CFAP99: variants seen among roughly 807,000 people sequenced by gnomAD.
CFAP99 encodes the protein cilia- and flagella-associated protein 99.
Under a neutral mutation model 82.7 loss-of-function variants are expected in CFAP99, and 84 were observed. That is an observed-to-expected ratio of 1.02 (90% CI 0.85 to 1.22). The LOEUF (loss-of-function observed/expected upper bound fraction) is 1.22, where lower values mean the gene tolerates loss of function less well. Ranked by LOEUF, CFAP99 falls within the 50% of genes most tolerant of loss-of-function variation. CFAP99 has a pLI of 0.00. For missense variants in CFAP99, 1,059 were observed against 983.5 expected (o/e 1.08, Z -1.03); for synonymous variants, 456 against 429.5 (o/e 1.06, Z -0.76).
chr4:2,461,383 G>A (rs1734617341), intron 14 of CFAP99, among the ~76,000 whole-genome samples: 1 of 152,216 alleles, frequency 6.6e-6, no homozygotes, highest in South Asian at 2.1e-4. Flanking sequence ...GCGGACAGAA[G>A]GAAGGACTAA....
chr4:2,456,634 C>T (rs951490017), intron 11 of CFAP99, among the ~76,000 whole-genome samples: 1 of 152,198 alleles, frequency 6.6e-6, no homozygotes, highest in Non-Finnish European at 1.5e-5. Flanking sequence ...ATTCTACTGC[C>T]TCAGCCTCCT....
rs756878765 is a variant in CFAP99, at chr4:2,443,136, A to G, written c.358A>G (p.Arg120Gly). 65 of 1,529,394 alleles carry G rather than the reference A, an allele frequency of 4.3e-5. No homozygotes were observed. Among genetic ancestry groups the G allele is most frequent in the Non-Finnish European group, 5.4e-5 (62 of 1,142,940 alleles). 94.7% of individuals were successfully genotyped at this position (1,529,394 alleles called of 1,614,324 possible). ...CAGCCCCCGTCCACCCCAGTTCCTC[A>G]GGTTCTTCTTCAACCCCCTGCACCT... The change falls in exon 5 of 15, where the codon AGG (arginine) becomes GGG (glycine). Residue 120 changes from arginine (R) to glycine (G), a missense_variant. By Grantham distance (125) the Arg-to-Gly change is moderately radical. Coordinates refer to ENST00000635017, the Ensembl canonical transcript of CFAP99.
In CFAP99 at chr4:2,440,149, C is replaced by CTTTTTTTTTTTTTTTTT. The variant is rs1253819268; in HGVS notation, c.351+2000_351+2001insTTTTTTTTTTTTTTTTT. Among the ~76,000 whole-genome samples, 486 of 103,902 alleles carry CTTTTTTTTTTTTTTTTT rather than the reference C, an allele frequency of 4.7e-3. 43 individuals are homozygous for CTTTTTTTTTTTTTTTTT. The highest frequency in any genetic ancestry group is 5.5e-3 in the Non-Finnish European group (300 of 54,762). The allele number at this position is 103,902 out of a possible 152,430, so 68.2% of individuals were successfully genotyped here. Reference sequence around the variant, plus strand: ...GAGCCACTGCGCCCAGCTTGACATTCTTTTTTTTTTTTTTTGAGACGGAGT... The same window carrying CTTTTTTTTTTTTTTTTT: ...GAGCCACTGCGCCCAGCTTGACATTCTTTTTTTTTTTTTTTTTTTTTTTTTTTTTTTTGAGACGGAGT... On this transcript the variant is annotated intron_variant, in intron 4 of 14. Coordinates refer to ENST00000635017, the Ensembl canonical transcript of CFAP99.
chr4:2,458,316 A>G (rs144729467), intron 11 of CFAP99, among the ~76,000 whole-genome samples: 38 of 152,302 alleles, frequency 2.5e-4, no homozygotes, highest in African/African-American at 8.9e-4. Context: ...CAATTTTTAA[A>G]TTTACAGAAA....
chr4:2,429,753 A>G (rs940637337), intron 2 of CFAP99, among the ~76,000 whole-genome samples: 49 of 152,022 alleles, frequency 3.2e-4, no homozygotes, highest in Non-Finnish European at 6.6e-4. Context: ...CACCACGCCC[A>G]GCTAATTTTT....
chr4:2,429,812 T>C (rs566121402), intron 2 of CFAP99, among the ~76,000 whole-genome samples: 194 of 152,230 alleles, frequency 1.3e-3, no homozygotes, highest in Non-Finnish European at 1.8e-3. Context: ...AGAATGGTCT[T>C]GATCTCCTGA....
At chr4:2,450,079 C>G in intron 8 of CFAP99, 74 bp downstream of exon 8, 1 of 1,408,668 alleles carries the variant, frequency 7.1e-7, no homozygotes, top group East Asian at 2.5e-5. Context: ...CCTCCCAACG[C>G]CATCGCAGTG....
chr4:2,455,218 A>G (rs1049214445), intron 11 of CFAP99, among the ~76,000 whole-genome samples: 3 of 152,258 alleles, frequency 2.0e-5, no homozygotes, highest in Non-Finnish European at 4.4e-5. Context: ...TTTATATGTT[A>G]GGAAAAATAA....
chr4:2,442,032 C>G (rs1037294584), intron 4 of CFAP99, among the ~76,000 whole-genome samples: 1 of 152,202 alleles, frequency 6.6e-6, no homozygotes, highest in Admixed American at 6.5e-5. Flanking sequence ...AAGCCCCACC[C>G]CAACTCCAGC....
chr4:2,430,112 A>G (rs1316196319), intron 2 of CFAP99, among the ~76,000 whole-genome samples: 2 of 146,846 alleles, frequency 1.4e-5, no homozygotes, highest in South Asian at 2.1e-4. Flanking sequence ...AATGCCAGAA[A>G]ATTACGCAAT....
At chr4:2,424,794 A>C (rs899090034) in intron 1 of CFAP99, among the ~76,000 whole-genome samples, 19 of 151,888 alleles carry the variant, frequency 1.3e-4, no homozygotes, top group African/African-American at 4.1e-4. Flanking sequence ...TGCATCCCTG[A>C]CTCTTCCTGC....
intron 14 of CFAP99, among the ~76,000 whole-genome samples, chr4:2,461,591 C>T (rs1170175656): frequency 6.6e-6 from 1 of 152,196 alleles, no homozygotes; most frequent in African/African-American, 2.4e-5. Flanking sequence ...AGAGCTCAGA[C>T]GCAGCCTGGT....
chr4:2,441,470 C>T (rs1042303748), intron 4 of CFAP99, among the ~76,000 whole-genome samples: 1 of 152,108 alleles, frequency 6.6e-6, no homozygotes, highest in African/African-American at 2.4e-5. Context: ...TCTCGGCCTG[C>T]AGAGCCCCAA....
At chr4:2,440,944 G>A (rs1734022621) in intron 4 of CFAP99, among the ~76,000 whole-genome samples, 1 of 151,912 alleles carries the variant, frequency 6.6e-6, no homozygotes, top group Admixed American at 6.6e-5. Context: ...TGTAATTCCA[G>A]CCACTCACGA....
chr4:2,449,009 T>C lies in CFAP99; in HGVS notation c.643-661T>C, dbSNP rs948351429. The stretch of plus-strand genomic sequence containing the variant: ...TCAGTGAGGCTGAGGGAGGGCTCGT[T>C]TGAGGAAGATGAGGGTTTGAGGTTT... On this transcript the variant is annotated intron_variant, in intron 6 of 14. Coordinates refer to ENST00000635017, the Ensembl canonical transcript of CFAP99. 7.9e-5 allele frequency among the ~76,000 whole-genome samples: 12 copies of C among 152,108 alleles called. No homozygotes were observed. The South Asian group carries it at 2.5e-3, about 32-fold the overall frequency.
At chr4:2,441,434 C>G (rs1734035826) in intron 4 of CFAP99, among the ~76,000 whole-genome samples, 2 of 151,838 alleles carry the variant, frequency 1.3e-5, no homozygotes, top group African/African-American at 4.8e-5. Flanking sequence ...CTGGGTCCCA[C>G]AGTGGTGGAG....
intron 4 of CFAP99, among the ~76,000 whole-genome samples, chr4:2,442,234 C>T (rs1455342693): frequency 1.3e-5 from 2 of 152,050 alleles, no homozygotes; most frequent in Non-Finnish European, 2.9e-5. Flanking sequence ...AAAAGGTCTG[C>T]TCCCAAATGG....
Position 2,436,080 on chromosome 4 carries a change from TCA to T in CFAP99, c.112-793_112-792del, listed in dbSNP as rs200961676. Among the ~76,000 whole-genome samples, 813 of 121,720 alleles carry T rather than the reference TCA, an allele frequency of 6.7e-3. 14 individuals carry two copies. The highest frequency in any genetic ancestry group is 0.025 in the African/African-American group (644 of 26,168). 79.9% of individuals were successfully genotyped at this position (121,720 alleles called of 152,430 possible). On this transcript the variant is annotated intron_variant, in intron 2 of 14. Coordinates refer to ENST00000635017, the Ensembl canonical transcript of CFAP99. ...AGAGTGAGACCCTGTCTCAAAAACT[TCA>T]AAAAAAAAAAAAATCTATATATATG...
intron 1 of CFAP99, among the ~76,000 whole-genome samples, chr4:2,423,786 A>T (rs1733628840): frequency 1.3e-5 from 2 of 152,018 alleles, no homozygotes; most frequent in Non-Finnish European, 2.9e-5. Context: ...GTGTTCTCCA[A>T]GCCAGCAGCA....
Sources: gnomAD v4.1 joint callset for allele counts (sites outside exome capture counted in the v4.1 genomes callset) on GRCh38, gnomAD v4.1.1 for gene constraint, MANE v1.5 for transcripts, NCBI Gene and HGNC (gene_info 2026-07-23, HGNC 2026-07-21) for gene names.